Variants in EYS observed in about 807,000 individuals in gnomAD.
EYS encodes the protein protein eyes shut homolog.
EYS carries 250 observed loss-of-function variants against 282.1 expected under a neutral mutation model. That is an observed-to-expected ratio of 0.89 (90% CI 0.80 to 0.98). The LOEUF is 0.98. Ranked by LOEUF, EYS falls within the 50% of genes least tolerant of loss-of-function variation. EYS has a pLI of 0.00. For missense variants in EYS, 4,016 were observed against 3,709.0 expected, an observed-to-expected ratio of 1.08 and a Z score of -2.15; for synonymous variants, 1,355 against 1,282.9, an observed-to-expected ratio of 1.06 and a Z score of -1.20.
chr6:64,311,971 TG>T (rs1769725663), intron 29 of EYS, among the ~76,000 whole-genome samples: 1 of 122,264 alleles, frequency 8.2e-6, no homozygotes, highest in South Asian at 2.9e-4. Flanking sequence ...CTGAGCTAGC[TG>T]CAGAAGGTTT....
rs554750520 is a variant in EYS at position 64,877,131 on chromosome 6, C to A, written c.2992+9566G>T. ...TGAATTAAAATGTATTTTGAAGATG[C>A]AGCCAATGGGATTTGCTGATGGACT... On this transcript the variant is annotated intron_variant, in intron 19 of 42. Transcript: ENST00000503581. Among the ~76,000 whole-genome samples, 51 of 152,220 alleles carry A rather than the reference C, an allele frequency of 3.4e-4. 1 individual carries two copies. The South Asian group carries it at 1.0e-2, about 30-fold the overall frequency.
At chr6:64,096,917 C>G (rs1169807733) in intron 31 of EYS, among the ~76,000 whole-genome samples, 1 of 152,198 alleles carries the variant, frequency 6.6e-6, no homozygotes, top group Non-Finnish European at 1.5e-5. Flanking sequence ...TGGTGACGTA[C>G]AGATGGGGTT....
intron 22 of EYS, among the ~76,000 whole-genome samples, chr6:64,654,347 G>A (rs1768672484): frequency 6.6e-6 from 1 of 152,114 alleles, no homozygotes; most frequent in Admixed American, 6.6e-5. Flanking sequence ...AGGATTCATT[G>A]AAATCCAAAA....
intron 19 of EYS, among the ~76,000 whole-genome samples, chr6:64,824,838 C>A (rs79646720): frequency 6.6e-6 from 1 of 151,756 alleles, no homozygotes; most frequent in African/African-American, 2.4e-5. Flanking sequence ...ATCTTAGGAT[C>A]TTTTTTTCCT....
intron 2 of EYS, among the ~76,000 whole-genome samples, chr6:65,601,847 G>C (rs572070422): frequency 1.3e-5 from 2 of 151,956 alleles, no homozygotes; most frequent in Non-Finnish European, 2.9e-5. Context: ...TTTAAACTTT[G>C]TAAATAGAAA....
At chr6:65,009,562 C>T (rs1442072975) in intron 13 of EYS, among the ~76,000 whole-genome samples, 2 of 152,184 alleles carry the variant, frequency 1.3e-5, no homozygotes, top group East Asian at 1.9e-4. Flanking sequence ...CGTCTCAACT[C>T]ACCTGGACTG....
At chr6:64,183,190 ATGAT>A (rs1329987468) in intron 31 of EYS, among the ~76,000 whole-genome samples, 1 of 152,014 alleles carries the variant, frequency 6.6e-6, no homozygotes, top group Non-Finnish European at 1.5e-5. Flanking sequence ...CCCTTCCACT[ATGAT>A]TGTAAGTTTC....
intron 24 of EYS, among the ~76,000 whole-genome samples, chr6:64,616,900 G>T (rs142949202): frequency 1.5e-3 from 224 of 152,010 alleles, no homozygotes; most frequent in African/African-American, 5.1e-3. Flanking sequence ...TTTAATAAAA[G>T]ACTGTGGTCA....
intron 12 of EYS, among the ~76,000 whole-genome samples, chr6:65,282,357 C>A (rs7753596): frequency 6.6e-6 from 1 of 151,976 alleles, no homozygotes; most frequent in Admixed American, 6.6e-5. Context: ...ATAAAAAGTA[C>A]CGATTTACAA....
chr6:65,290,581 T>C (rs892621232), intron 12 of EYS, among the ~76,000 whole-genome samples: 19 of 151,426 alleles, frequency 1.3e-4, no homozygotes, highest in African/African-American at 3.9e-4. Context: ...GCAACCATTA[T>C]GATTTATCTC....
intron 22 of EYS, among the ~76,000 whole-genome samples, chr6:64,708,617 T>A (rs954956005): frequency 6.6e-6 from 1 of 152,158 alleles, no homozygotes; most frequent in Non-Finnish European, 1.5e-5. Context: ...TTGTTAGCTA[T>A]TTGGGAAAAA....
chr6:65,662,268 C>G (rs974842780), intron 1 of EYS, among the ~76,000 whole-genome samples: 1 of 152,104 alleles, frequency 6.6e-6, no homozygotes, highest in Non-Finnish European at 1.5e-5. Flanking sequence ...ATCTTCTACT[C>G]AAATTTAGTG....
At chr6:63,786,919 G>A (rs1770377144) in intron 39 of EYS, among the ~76,000 whole-genome samples, 1 of 152,104 alleles carries the variant, frequency 6.6e-6, no homozygotes, top group African/African-American at 2.4e-5. Context: ...CAATTTGGTT[G>A]TCCTGGTAAG....
At chr6:64,518,179 A>G (rs1777619995) in intron 26 of EYS, among the ~76,000 whole-genome samples, 1 of 151,868 alleles carries the variant, frequency 6.6e-6, no homozygotes, top group African/African-American at 2.4e-5. Context: ...AAATTCCTAA[A>G]GAAATTATTA....
intron 35 of EYS, among the ~76,000 whole-genome samples, chr6:63,982,927 G>GT (rs1454016569): frequency 1.3e-5 from 2 of 151,756 alleles, no homozygotes; most frequent in Non-Finnish European, 2.9e-5. Context: ...GTTAGAGAAG[G>GT]TTTTTTCCCG....
chr6:64,005,558 A>C (rs532720014), intron 33 of EYS, among the ~76,000 whole-genome samples: 1 of 152,158 alleles, frequency 6.6e-6, no homozygotes, highest in Non-Finnish European at 1.5e-5. Flanking sequence ...CTATATTTAG[A>C]ATGGTATTTC....
intron 5 of EYS, among the ~76,000 whole-genome samples, chr6:65,415,839 A>G (rs1767210997): frequency 6.6e-6 from 1 of 152,100 alleles, no homozygotes. Context: ...CACACATTAG[A>G]AAAACCTATC....
intron 12 of EYS, among the ~76,000 whole-genome samples, chr6:65,069,635 T>G (rs1418360673): frequency 6.6e-6 from 1 of 151,940 alleles, no homozygotes; most frequent in East Asian, 1.9e-4. Context: ...TCTTAATTAT[T>G]GACATGCCTC....
intron 2 of EYS, among the ~76,000 whole-genome samples, chr6:65,589,741 C>G (rs1446340599): frequency 6.6e-6 from 1 of 151,822 alleles, no homozygotes; most frequent in Non-Finnish European, 1.5e-5. Context: ...AATAATTCAG[C>G]TAAGAAAAAA....
Sources: gnomAD v4.1 joint callset for allele counts (sites outside exome capture counted in the v4.1 genomes callset) on GRCh38, gnomAD v4.1.1 for gene constraint, MANE v1.5 for transcripts, NCBI Gene and HGNC (gene_info 2026-07-23, HGNC 2026-07-21) for gene names.